PPP2R3A: variants seen among roughly 807,000 people sequenced by gnomAD.
PPP2R3A encodes protein phosphatase 2 regulatory subunit B''alpha.
A neutral mutation model predicts 106.9 loss-of-function variants in PPP2R3A; 80 were observed. The ratio of observed to expected loss-of-function variants is 0.75; its 90% CI spans 0.62 to 0.90. The LOEUF is 0.90. Ranked by LOEUF, PPP2R3A falls within the 40% of genes least tolerant of loss-of-function variation. The pLI is 0.00. For synonymous variants in PPP2R3A, 483 were observed against 468.3 expected (o/e 1.03, Z -0.41); for missense variants, 1,386 against 1,350.4 (o/e 1.03, Z -0.41).
chr3:135,967,544 GAAT>G (rs774740134), intron 1 of PPP2R3A, among the ~76,000 whole-genome samples: 3 of 152,128 alleles, frequency 2.0e-5, no homozygotes, highest in Non-Finnish European at 4.4e-5. Context: ...AAAAGGAAAT[GAAT>G]AATTTTGGAG....
At position 136,048,755 on chromosome 3, in the gene PPP2R3A, CAG is replaced by C. The variant is rs551171161; in HGVS notation, c.2367-502_2367-501del. Among the ~76,000 whole-genome samples, 10 of 151,880 alleles carry C rather than the reference CAG, an allele frequency of 6.6e-5. No individual in the cohort carries two copies. The South Asian group carries it at 2.1e-3, about 32-fold the overall frequency. On this transcript the variant is annotated intron_variant, in intron 4 of 13. Coordinates refer to ENST00000264977, the MANE Select transcript of PPP2R3A (RefSeq NM_002718.5). ...CAATGACGTGATCAAATATGTTACT[CAG>C]AAATATCAAGCAACAAACAAGAGCC...
chr3:136,119,813 A>T (rs1222048787), intron 13 of PPP2R3A, among the ~76,000 whole-genome samples: 4 of 152,220 alleles, frequency 2.6e-5, no homozygotes, highest in Admixed American at 6.5e-5. Flanking sequence ...TTCCTCAAGG[A>T]TCTAGAACTA....
chr3:135,972,885 A>G (rs1488320303), intron 1 of PPP2R3A, among the ~76,000 whole-genome samples: 3 of 152,172 alleles, frequency 2.0e-5, no homozygotes, highest in African/African-American at 7.2e-5. Context: ...TTCCTGTCTT[A>G]CTGTGTGCTG....
chr3:136,130,618 C>A (rs1477391172), intron 13 of PPP2R3A, among the ~76,000 whole-genome samples: 2 of 152,182 alleles, frequency 1.3e-5, no homozygotes, highest in Non-Finnish European at 2.9e-5. Flanking sequence ...CCATCCCCTT[C>A]AAGCTACCAA....
intron 6 of PPP2R3A, among the ~76,000 whole-genome samples, chr3:136,074,873 A>AT (rs1420767381): frequency 3.3e-5 from 5 of 152,230 alleles, no homozygotes; most frequent in East Asian, 1.9e-4. Flanking sequence ...AGAAAAAAAA[A>AT]TTTTTGTTAG....
intron 2 of PPP2R3A, among the ~76,000 whole-genome samples, chr3:136,006,806 C>G (rs974257697): frequency 1.3e-5 from 2 of 152,348 alleles, no homozygotes; most frequent in East Asian, 3.9e-4. Flanking sequence ...CATTATTTCT[C>G]TCAAACCTAA....
At chr3:136,123,084 ATTAAT>A (rs1370565898) in intron 13 of PPP2R3A, among the ~76,000 whole-genome samples, 4 of 152,106 alleles carry the variant, frequency 2.6e-5, no homozygotes, top group African/African-American at 9.7e-5. Flanking sequence ...GTGTTAATTT[ATTAAT>A]TTAATATAAT....
intron 13 of PPP2R3A, among the ~76,000 whole-genome samples, chr3:136,141,908 G>A (rs1040488910): frequency 1.1e-4 from 17 of 152,170 alleles, no homozygotes; most frequent in Admixed American, 7.2e-4. Context: ...TGGGATAACC[G>A]AGTTTCTGGC....
chr3:135,979,494 C>T (rs138893827), intron 1 of PPP2R3A, among the ~76,000 whole-genome samples: 1 of 151,938 alleles, frequency 6.6e-6, no homozygotes, highest in East Asian at 1.9e-4. Flanking sequence ...GATTGGCCAG[C>T]CTGGAAAAGA....
chr3:136,099,160 T>C (rs1359269487), intron 10 of PPP2R3A, among the ~76,000 whole-genome samples: 1 of 152,100 alleles, frequency 6.6e-6, no homozygotes, highest in Admixed American at 6.5e-5. Flanking sequence ...AATAAAGACC[T>C]GAAGATTCGA....
intron 13 of PPP2R3A, among the ~76,000 whole-genome samples, chr3:136,139,519 C>T (rs916185683): frequency 2.0e-5 from 3 of 151,744 alleles, no homozygotes; most frequent in African/African-American, 7.3e-5. Context: ...ATGGTGAAAC[C>T]CCATCTCTAC....
chr3:136,102,342 C>CTTTTT (rs397874378), intron 11 of PPP2R3A, among the ~76,000 whole-genome samples, 160 bp downstream of exon 11: 11 of 116,032 alleles, frequency 9.5e-5, no homozygotes, highest in African/African-American at 1.9e-4. Context: ...AGTGTAGCAA[C>CTTTTT]TTTTTTTTTT....
At chr3:135,979,049 T>A (rs1433324313) in intron 1 of PPP2R3A, among the ~76,000 whole-genome samples, 3 of 151,902 alleles carry the variant, frequency 2.0e-5, no homozygotes, top group Non-Finnish European at 4.4e-5. Flanking sequence ...TAAATGATTT[T>A]AAAAATTTCT....
At chr3:136,138,303 C>T (rs1343553217) in intron 13 of PPP2R3A, among the ~76,000 whole-genome samples, 2 of 152,088 alleles carry the variant, frequency 1.3e-5, no homozygotes, top group African/African-American at 4.8e-5. Context: ...GAATTCAGAC[C>T]GCGTCCTTCC....
chr3:136,048,672 C>CAA (rs751559512), intron 4 of PPP2R3A, among the ~76,000 whole-genome samples: 13 of 82,658 alleles, frequency 1.6e-4, no homozygotes, highest in African/African-American at 3.3e-4. Flanking sequence ...AACTCCGTCT[C>CAA]AAAAAAAAAA....
intron 13 of PPP2R3A, among the ~76,000 whole-genome samples, chr3:136,144,388 C>T (rs1939012600): frequency 6.6e-6 from 1 of 151,930 alleles, no homozygotes; most frequent in South Asian, 2.1e-4. Context: ...TCTGGCCGAC[C>T]AGTGGCTCAA....
chr3:135,983,461 A>C (rs1156465913), intron 1 of PPP2R3A, among the ~76,000 whole-genome samples: 1 of 152,244 alleles, frequency 6.6e-6, no homozygotes, highest in African/African-American at 2.4e-5. Flanking sequence ...TAAATGCTTA[A>C]TACTAAAAAG....
chr3:136,058,676 G>C (rs12632791), intron 5 of PPP2R3A, among the ~76,000 whole-genome samples: 1 of 151,802 alleles, frequency 6.6e-6, no homozygotes, highest in Non-Finnish European at 1.5e-5. Flanking sequence ...AATATGGAAC[G>C]AAAAAAGAGC....
rs1327291663 is a variant in PPP2R3A at position 136,145,999 on chromosome 3, T to TGAA, written c.*836_*838dup. 1 of 152,212 alleles carries TGAA rather than the reference T, an allele frequency of 6.6e-6. No individual in the cohort carries two copies. Among genetic ancestry groups the TGAA allele is most frequent in the African/African-American group, 2.4e-5 (1 of 41,450 alleles). 9.4% of individuals were successfully genotyped at this position (152,212 alleles called of 1,614,324 possible). On this transcript the variant is annotated 3_prime_UTR_variant, in exon 14 of 14. Transcript: ENST00000264977. ...TTCACTTCCTATCAGAAGGCCTGCT[T>TGAA]GAAGACATAAAGGAATAATGATACA... is the stretch of plus-strand genomic sequence containing the variant.
Sources: allele counts gnomAD v4.1 joint callset (sites outside exome capture counted in the v4.1 genomes callset), GRCh38; gene constraint gnomAD v4.1.1; transcripts MANE v1.5; gene names NCBI Gene and HGNC (gene_info 2026-07-23, HGNC 2026-07-21).